LAMC2: variants seen among roughly 807,000 people sequenced by gnomAD.
The protein encoded by LAMC2 is laminin subunit gamma-2.
A neutral mutation model predicts 140.2 loss-of-function variants in LAMC2; 97 were observed. The observed-to-expected ratio is 0.69, with a 90% CI of 0.59 to 0.82. The LOEUF (loss-of-function observed/expected upper bound fraction) is 0.82. Among genes scored for constraint, LAMC2 ranks in the 40% least tolerant of loss-of-function variants. The pLI, the probability that LAMC2 is intolerant of heterozygous loss-of-function variation, is 0.00. For missense variants in LAMC2, 1,402 were observed against 1,476.1 expected (o/e 0.95, Z 0.82); for synonymous variants, 513 against 540.2 (o/e 0.95, Z 0.70).
chr1:183,218,360 G>T, intron 3 of LAMC2, 30 bp from the exon 4 acceptor site: 3 of 1,520,646 alleles, frequency 2.0e-6, no homozygotes, highest in Non-Finnish European at 2.7e-6. Context: ...TTGGAAGCAT[G>T]TCCCTAATTT....
At chr1:183,202,415 G>C (rs144976493) in intron 1 of LAMC2, among the ~76,000 whole-genome samples, 1 of 152,120 alleles carries the variant, frequency 6.6e-6, no homozygotes, top group African/African-American at 2.4e-5. Context: ...GGGGGAAAGG[G>C]GGCTTAAATC....
At chr1:183,256,874 C>A in the LAMC2 span, among the ~76,000 whole-genome samples, 3 of 152,076 alleles carry the variant, frequency 2.0e-5, no homozygotes, top group Non-Finnish European at 4.4e-5. Flanking sequence ...GCCTCAGCCT[C>A]CCAAGTAGCT....
Position 183,186,349 on chromosome 1 carries a change from C to T in LAMC2, c.-4C>T. ...AGACAGAGACTGAGCGGCCCGGCCC[C>T]GCCATGCCTGCGCTCTGGCTGGGCT... is the stretch of plus-strand genomic sequence containing the variant. On this transcript the variant is annotated 5_prime_UTR_variant, in exon 1 of 23. Transcript: ENST00000264144. The T allele has an allele frequency of 6.3e-7, 1 of 1,597,864 alleles. No homozygotes were observed. The highest frequency in any genetic ancestry group is 8.5e-7 in the Non-Finnish European group (1 of 1,177,572).
At chr1:183,215,307 C>A in intron 2 of LAMC2, 146 bp from the exon 3 acceptor site, 1 of 845,186 alleles carries the variant, frequency 1.2e-6, no homozygotes, top group Non-Finnish European at 1.9e-6. Flanking sequence ...GACACGCAGG[C>A]GATGTGAAGT....
chr1:183,196,766 A>C (rs1432094235), intron 1 of LAMC2, among the ~76,000 whole-genome samples: 6 of 152,074 alleles, frequency 3.9e-5, no homozygotes, highest in Non-Finnish European at 5.9e-5. Flanking sequence ...CTTTGAAAAA[A>C]TGAAATAGGA....
rs114589486 is a variant in LAMC2 at position 183,211,645 on chromosome 1, G to A, written c.268+3576G>A. Among the ~76,000 whole-genome samples, 1,066 of 152,134 alleles carry A rather than the reference G, an allele frequency of 7.0e-3. 14 individuals are homozygous for A. The highest frequency in any genetic ancestry group is 0.025 in the African/African-American group (1,025 of 41,494). The stretch of plus-strand genomic sequence containing the variant: ...CCTGCCTCAGCCTCCTGAGTAGCTC[G>A]GACTACTGGTGTGTTCCACCATGCC... On this transcript the variant is annotated intron_variant, in intron 2 of 22. Transcript: ENST00000264144.
intron 1 of LAMC2, among the ~76,000 whole-genome samples, chr1:183,198,793 C>T (rs1026482714): frequency 4.6e-5 from 7 of 152,198 alleles, no homozygotes; most frequent in Non-Finnish European, 7.3e-5. Context: ...AGGCAGAAAG[C>T]ATTGCAGCTC....
chr1:183,206,568 C>T (rs1658890871), intron 1 of LAMC2, among the ~76,000 whole-genome samples: 1 of 151,220 alleles, frequency 6.6e-6, no homozygotes, highest in African/African-American at 2.4e-5. Flanking sequence ...TCACTTGAAC[C>T]CAGGAGGCAG....
intron 15 of LAMC2, 131 bp downstream of exon 15, chr1:183,234,577 C>A: frequency 1.3e-6 from 1 of 778,426 alleles, no homozygotes; most frequent in Non-Finnish European, 2.2e-6. Context: ...CATTCCCTAC[C>A]TTGAAACCAG....
chr1:183,233,776 C>CTTTG (rs10694868), intron 14 of LAMC2, among the ~76,000 whole-genome samples: 45,181 of 150,278 alleles, frequency 0.3, 8,554 homozygotes, highest in African/African-American at 0.53. Flanking sequence ...TTTTATTTTA[C>CTTTG]TTTGTTGTTG....
At chr1:183,215,728 T>A in intron 3 of LAMC2, 140 bp downstream of exon 3, 1 of 1,003,638 alleles carries the variant, frequency 1.0e-6, no homozygotes, top group Non-Finnish European at 1.6e-6. Context: ...CTATCTACTT[T>A]AATCCTCACA....
chr1:183,232,461 C>G, intron 13 of LAMC2, 118 bp downstream of exon 13: 4 of 1,278,618 alleles, frequency 3.1e-6, no homozygotes, highest in Non-Finnish European at 4.4e-6. Context: ...CCAGCCAGCC[C>G]TTGCAGAAGT....
intron 1 of LAMC2, among the ~76,000 whole-genome samples, chr1:183,196,430 C>T (rs1203197529): frequency 2.0e-5 from 3 of 152,184 alleles, no homozygotes; most frequent in Admixed American, 1.3e-4. Context: ...AGCCACTGTG[C>T]CTGGCTGATA....
downstream of LAMC2, chr1:183,249,996 T>A (rs1660332966): frequency 6.6e-6 from 1 of 152,144 alleles, no homozygotes; most frequent in South Asian, 2.1e-4. Context: ...TCTCATGGGC[T>A]GTAGACCAAA....
At chr1:183,254,258 A>G in the LAMC2 span, among the ~76,000 whole-genome samples, 1 of 152,104 alleles carries the variant, frequency 6.6e-6, no homozygotes, top group Non-Finnish European at 1.5e-5. Context: ...GTTATCTCTT[A>G]TCTTTTTGAT....
chr1:183,253,160 TC>T, the LAMC2 span, among the ~76,000 whole-genome samples: 1 of 151,054 alleles, frequency 6.6e-6, no homozygotes, highest in Admixed American at 6.6e-5. Context: ...TATATTTAAG[TC>T]ATACAATCTG....
chr1:183,214,071 T>C (rs1659166481), intron 2 of LAMC2, among the ~76,000 whole-genome samples: 1 of 152,070 alleles, frequency 6.6e-6, no homozygotes, highest in African/African-American at 2.4e-5. Flanking sequence ...ATTTTACAAT[T>C]CCACTGAATT....
rs955426007 is a variant in LAMC2 at position 183,244,648 on chromosome 1, C to T, written c.*1248C>T. 1 of 152,668 alleles carries T rather than the reference C, an allele frequency of 6.6e-6. No homozygotes were observed. The highest frequency in any genetic ancestry group is 1.5e-5 in the Non-Finnish European group (1 of 68,036). 9.5% of individuals were successfully genotyped at this position (152,668 alleles called of 1,614,324 possible). A position where few individuals can be genotyped will look rare whatever the true frequency, so the allele number is the denominator to read the frequency against. On this transcript the variant is annotated 3_prime_UTR_variant, in exon 23 of 23. Coordinates refer to ENST00000264144, the MANE Select transcript of LAMC2 (RefSeq NM_005562.3). ...AACAGAACATATGTTGCAAGACCCT[C>T]CCATGGGGGCACTTGAGTTTTGGCA... is the stretch of plus-strand genomic sequence containing the variant.
chr1:183,246,964 A>G (rs1426220658), downstream of LAMC2, among the ~76,000 whole-genome samples: 5 of 152,382 alleles, frequency 3.3e-5, no homozygotes, highest in East Asian at 7.7e-4. Context: ...ATTCATATTT[A>G]GTATATATAT....
Sources: allele counts gnomAD v4.1 joint callset (sites outside exome capture counted in the v4.1 genomes callset), GRCh38; gene constraint gnomAD v4.1.1; transcripts MANE v1.5; gene names NCBI Gene and HGNC (gene_info 2026-07-23, HGNC 2026-07-21).